The following SZRD1 variants were observed in gnomAD, a reference collection of about 807,000 sequenced individuals.
SZRD1 encodes the protein SUZ RNA binding domain containing 1.
A neutral mutation model predicts 17.6 loss-of-function variants in SZRD1; 7 were observed. The ratio of observed to expected loss-of-function variants is 0.40; its 90% CI spans 0.23 to 0.75. The LOEUF (loss-of-function observed/expected upper bound fraction) is 0.75. SZRD1 is among the 30% of genes least tolerant of loss of function. The pLI is 0.38. For synonymous variants in SZRD1, 77 were observed against 77.9 expected (o/e 0.99, Z 0.06); for missense variants, 178 against 201.8 (o/e 0.88, Z 0.71).
chr1:16,367,943 CG>C (rs2082851098), intron 1 of SZRD1: 2 of 152,212 alleles, frequency 1.3e-5, no homozygotes, highest in South Asian at 4.1e-4. Context: ...GAAAGCTCTG[CG>C]GGGCAGCTCC....
At chr1:16,386,225 G>A (rs145860424) in intron 1 of SZRD1, among the ~76,000 whole-genome samples, 1,660 of 152,336 alleles carry the variant, frequency 0.011, 32 homozygotes, top group African/African-American at 0.037. Context: ...CCTAGCACTT[G>A]CCTTGTGCCC....
chr1:16,370,931 G>A (rs1293761938), intron 1 of SZRD1, among the ~76,000 whole-genome samples: 1 of 152,202 alleles, frequency 6.6e-6, no homozygotes, highest in Non-Finnish European at 1.5e-5. Context: ...GAGATGTTAT[G>A]TCCACATCAC....
In SZRD1 at chr1:16,393,608, A is replaced by C; in HGVS notation, c.356+126A>C. 1.2e-5 allele frequency: 13 copies of C among 1,058,262 alleles called. No individual in the cohort carries two copies. Among genetic ancestry groups the C allele is most frequent in the East Asian group, 2.6e-5 (1 of 38,390 alleles). 65.6% of individuals were successfully genotyped at this position (1,058,262 alleles called of 1,614,324 possible). Reference sequence around the variant, plus strand: ...GTCAGGGTAGGAACCATGCAGCTCCACTTGCTGATCCCAGCCTGCTGGCAC... The same window carrying C: ...GTCAGGGTAGGAACCATGCAGCTCCCCTTGCTGATCCCAGCCTGCTGGCAC... On this transcript the variant is annotated intron_variant, in intron 3 of 3. Transcript: ENST00000401088. The surrounding 1 kb of genome is among the most constrained non-coding windows in gnomAD (Gnocchi z 5.6).
At position 16,395,981 on chromosome 1, in the gene SZRD1, A is replaced by C. The variant is rs1393976635; in HGVS notation, c.*841A>C. ...CCAACCCCACCTCTAGTATTTTGGG[A>C]GATAGGGAAAGTGAACCGACTTCCC... is the stretch of plus-strand genomic sequence containing the variant. On this transcript the variant is annotated 3_prime_UTR_variant, in exon 4 of 4. Coordinates refer to ENST00000401088, the MANE Select transcript of SZRD1 (RefSeq NM_001114600.3). The C allele has an allele frequency of 6.6e-6, 1 of 152,632 alleles. No individual in the cohort carries two copies. The highest frequency in any genetic ancestry group is 1.5e-5 in the Non-Finnish European group (1 of 68,058). 9.5% of individuals were successfully genotyped at this position (152,632 alleles called of 1,614,324 possible).
At chr1:16,377,134 G>A (rs1475518769) in intron 1 of SZRD1, among the ~76,000 whole-genome samples, 2 of 152,126 alleles carry the variant, frequency 1.3e-5, no homozygotes, top group Admixed American at 1.3e-4. Flanking sequence ...CATTGTGTTT[G>A]CCACCCCTGC....
intron 1 of SZRD1, among the ~76,000 whole-genome samples, chr1:16,383,364 G>A (rs774073153): frequency 2.6e-5 from 4 of 151,884 alleles, no homozygotes; most frequent in Non-Finnish European, 4.4e-5. Context: ...GGGACTACAG[G>A]TGTGTGCCAC....
chr1:16,393,991 G>A lies in SZRD1; in HGVS notation c.356+509G>A. Among the ~76,000 whole-genome samples the A allele has an allele frequency of 6.6e-6, 1 of 152,182 alleles. No homozygotes were observed. Among genetic ancestry groups the A allele is most frequent in the Admixed American group, 6.5e-5 (1 of 15,274 alleles). On this transcript the variant is annotated intron_variant, in intron 3 of 3. Transcript: ENST00000401088. This position sits in a 1 kb window ranked among gnomAD's most constrained non-coding sequence, Gnocchi z 5.6. The stretch of plus-strand genomic sequence containing the variant: ...ATGATATTTTCTGGGTCTCCAGTAT[G>A]CCCACTGTGATGTTTTTGTGAATTT...
intron 1 of SZRD1, chr1:16,367,593 C>T: frequency 2.0e-6 from 1 of 492,462 alleles, no homozygotes; most frequent in Non-Finnish European, 3.6e-6. Flanking sequence ...TGACCCCCCG[C>T]GCCCACTTGC....
Position 16,393,586 on chromosome 1 carries a change from A to G in SZRD1, c.356+104A>G. Reference sequence around the variant, plus strand: ...AGAGTAGTGAGAAGCAAGCAGAGTCAGGGTAGGAACCATGCAGCTCCACTT... The same window carrying G: ...AGAGTAGTGAGAAGCAAGCAGAGTCGGGGTAGGAACCATGCAGCTCCACTT... On this transcript the variant is annotated intron_variant, in intron 3 of 3. Coordinates refer to ENST00000401088, the MANE Select transcript of SZRD1 (RefSeq NM_001114600.3). The surrounding 1 kb of genome is among the most constrained non-coding windows in gnomAD (Gnocchi z 5.6). The G allele has an allele frequency of 7.7e-7, 1 of 1,291,780 alleles. No individual in the cohort carries two copies. Among genetic ancestry groups the G allele is most frequent in the Admixed American group, 2.1e-5 (1 of 46,762 alleles). The allele number at this position is 1,291,780 out of a possible 1,614,324, so 80.0% of individuals were successfully genotyped here.
chr1:16,368,852 C>A (rs953727477), intron 1 of SZRD1, among the ~76,000 whole-genome samples: 1 of 152,178 alleles, frequency 6.6e-6, no homozygotes, highest in Non-Finnish European at 1.5e-5. Context: ...CTTGGCCTTT[C>A]TTTGGTTTTC....
At chr1:16,381,347 T>C (rs2083098207) in intron 1 of SZRD1, among the ~76,000 whole-genome samples, 1 of 151,370 alleles carries the variant, frequency 6.6e-6, no homozygotes, top group Non-Finnish European at 1.5e-5. Context: ...TCACTTGAAG[T>C]CAGGAGTTTG....
intron 1 of SZRD1, chr1:16,369,352 A>T: frequency 1.2e-6 from 1 of 844,024 alleles, no homozygotes; most frequent in Non-Finnish European, 2.0e-6. Flanking sequence ...AATGGTCGCC[A>T]TCCCTCCACC....
At position 16,393,193 on chromosome 1, in the gene SZRD1, G is replaced by T; in HGVS notation, c.102-35G>T. ...ATGGACAGGGCCTCCTTAGTCAGGA[G>T]CATGATTTGTGAAGCTGTGTTTGCT... On this transcript the variant is annotated intron_variant, in intron 2 of 3. Transcript: ENST00000401088. The surrounding 1 kb of genome is among the most constrained non-coding windows in gnomAD (Gnocchi z 5.6). 6.2e-7 allele frequency: 1 copy of T among 1,607,880 alleles called. No individual in the cohort carries two copies. Among genetic ancestry groups the T allele is most frequent in the Non-Finnish European group, 8.5e-7 (1 of 1,175,540 alleles).
chr1:16,376,403 C>A (rs2083003327), intron 1 of SZRD1, among the ~76,000 whole-genome samples: 1 of 152,206 alleles, frequency 6.6e-6, no homozygotes, highest in Admixed American at 6.5e-5. Context: ...TAATCCTGCT[C>A]TCAGTTATAA....
intron 1 of SZRD1, among the ~76,000 whole-genome samples, chr1:16,382,922 A>G (rs1316290974): frequency 6.7e-6 from 1 of 149,268 alleles, no homozygotes; most frequent in Admixed American, 6.7e-5. Context: ...CTAGAGTACA[A>G]TGGTGCAATC....
At chr1:16,376,721 G>A (rs1441372153) in intron 1 of SZRD1, among the ~76,000 whole-genome samples, 7 of 147,388 alleles carry the variant, frequency 4.7e-5, no homozygotes, top group Non-Finnish European at 1.0e-4. Context: ...CAGGAGAATC[G>A]CTTGAACTTG....
At chr1:16,388,449 A>T (rs1347864151) in intron 1 of SZRD1, among the ~76,000 whole-genome samples, 1 of 152,100 alleles carries the variant, frequency 6.6e-6, no homozygotes, top group African/African-American at 2.4e-5. Context: ...ACCAATCAGG[A>T]TAGGTGTCAG....
chr1:16,387,689 T>G (rs2085148783), intron 1 of SZRD1: 1 of 456,594 alleles, frequency 2.2e-6, no homozygotes, highest in Non-Finnish European at 4.4e-6. Flanking sequence ...CAAGGCTCTG[T>G]TTATGATGGA....
chr1:16,370,985 A>C (rs1557620755), intron 1 of SZRD1, among the ~76,000 whole-genome samples: 2 of 152,240 alleles, frequency 1.3e-5, no homozygotes, highest in African/African-American at 4.8e-5. Flanking sequence ...TTTCATATAT[A>C]GGCAATTGCG....
Sources: allele counts gnomAD v4.1 joint callset (sites outside exome capture counted in the v4.1 genomes callset), GRCh38; gene constraint gnomAD v4.1.1; non-coding constraint Gnocchi (gnomAD v3.1); transcripts MANE v1.5; gene names NCBI Gene and HGNC (gene_info 2026-07-23, HGNC 2026-07-21).